ANKRD30A: variants seen among roughly 807,000 people sequenced by gnomAD.
ANKRD30A encodes ankyrin repeat domain-containing protein 30A.
In ANKRD30A, 170 loss-of-function variants were observed where a neutral mutation model predicts 166.3. The observed-to-expected ratio is 1.02, with a 90% CI of 0.90 to 1.16. The LOEUF (loss-of-function observed/expected upper bound fraction) is 1.16. Ranked by LOEUF, ANKRD30A falls within the 50% of genes most tolerant of loss-of-function variation. The probability of loss-of-function intolerance (pLI) is 0.00; values close to 1 mark genes in which losing one functional copy is unlikely to be tolerated. For missense variants in ANKRD30A, 1,630 were observed against 1,518.0 expected (o/e 1.07, Z -1.23); for synonymous variants, 564 against 508.9 (o/e 1.11, Z -1.46).
rs568622140 is a variant in ANKRD30A at position 37,225,618 on chromosome 10, T to C, written c.4185+5721T>C. ...CAGTGCTTTGAGCAGTGAAAGAGAT[T>C]TTTAAAAAAATTTTTTTGGGCTTGA... On this transcript the variant is annotated intron_variant, in intron 34 of 35. Transcript: ENST00000361713. Among the ~76,000 whole-genome samples, 15 of 151,914 alleles carry C rather than the reference T, an allele frequency of 9.9e-5. No individual in the cohort carries two copies. In the South Asian group the frequency reaches 2.9e-3, roughly 29 times the overall value.
chr10:37,231,592 A>G lies in ANKRD30A; in HGVS notation c.*123A>G. On this transcript the variant is annotated 3_prime_UTR_variant, in exon 35 of 36. Transcript: ENST00000361713. ...AAAATCTTACCAATAGTCTGTGTCA[A>G]CAGAATACTTATTTTAGAAGAAAAA... The G allele has an allele frequency of 1.5e-6, 1 of 664,552 alleles. No individual in the cohort carries two copies. The highest frequency in any genetic ancestry group is 2.7e-4 in the Middle Eastern group (1 of 3,746). The allele number at this position is 664,552 out of a possible 1,614,324, so 41.2% of individuals were successfully genotyped here. A position where few individuals can be genotyped will look rare whatever the true frequency, so the allele number is the denominator to read the frequency against.
At chr10:37,179,022 A>ATT (rs1469091433) in intron 24 of ANKRD30A, among the ~76,000 whole-genome samples, 2 of 12,786 alleles carry the variant, frequency 1.6e-4, no homozygotes, top group Non-Finnish European at 4.4e-4. Flanking sequence ...AAATATATAT[A>ATT]TATATATATA....
intron 34 of ANKRD30A, among the ~76,000 whole-genome samples, chr10:37,223,034 TAATC>T (rs1190425617): frequency 2.8e-4 from 43 of 151,526 alleles, no homozygotes; most frequent in Non-Finnish European, 3.4e-4. Flanking sequence ...AAATATATCT[TAATC>T]AATAAATATA....
chr10:37,194,732 C>G (rs1253627222), intron 27 of ANKRD30A, among the ~76,000 whole-genome samples: 1 of 152,052 alleles, frequency 6.6e-6, no homozygotes, highest in East Asian at 1.9e-4. Context: ...TTAGATGGAC[C>G]CAATACAATT....
rs1242009205 is a variant in ANKRD30A, at chr10:37,190,846, G to A, written c.2512+1289G>A. 2.0e-5 allele frequency among the ~76,000 whole-genome samples: 3 copies of A among 151,650 alleles called. 1 individual carries two copies. The highest frequency in any genetic ancestry group is 7.3e-5 in the African/African-American group (3 of 41,188). ...GATATATATATATAGATGTATGTAT[G>A]TATGTATGTTTTTGACGTTCACAAT... is the stretch of plus-strand genomic sequence containing the variant. On this transcript the variant is annotated intron_variant, in intron 25 of 35. Transcript: ENST00000361713.
chr10:37,151,880 T>C (rs1055468402), intron 11 of ANKRD30A, among the ~76,000 whole-genome samples, 180 bp from the exon 12 acceptor site: 1 of 152,134 alleles, frequency 6.6e-6, no homozygotes, highest in African/African-American at 2.4e-5. Context: ...ATTTTCAGAC[T>C]TTTTAGATTT....
the ANKRD30A span, among the ~76,000 whole-genome samples, chr10:37,249,825 A>G: frequency 6.6e-6 from 1 of 152,266 alleles, no homozygotes; most frequent in Non-Finnish European, 1.5e-5. Context: ...TTGCTTAGGC[A>G]TTGAAGGGTC....
At chr10:37,139,915 A>G (rs1268803030) in intron 6 of ANKRD30A, among the ~76,000 whole-genome samples, 1 of 152,230 alleles carries the variant, frequency 6.6e-6, no homozygotes, top group Admixed American at 6.5e-5. Flanking sequence ...TCTGCTTCAT[A>G]TGAAAATCTC....
At chr10:37,220,337 A>C (rs1842844102) in intron 34 of ANKRD30A, among the ~76,000 whole-genome samples, 1 of 151,106 alleles carries the variant, frequency 6.6e-6, no homozygotes, top group Non-Finnish European at 1.5e-5. Flanking sequence ...TTAGCAATTT[A>C]CTTTGACAGT....
At chr10:37,162,607 A>G (rs960171817) in intron 15 of ANKRD30A, 42 bp from the exon 16 acceptor site, 16 of 1,610,702 alleles carry the variant, frequency 9.9e-6, no homozygotes, top group Non-Finnish European at 1.1e-5. Flanking sequence ...TTGGCTTGTC[A>G]TATTTACATA....
In ANKRD30A at chr10:37,136,651, A is replaced by G. The variant is rs751014359; in HGVS notation, c.800A>G (p.Asn267Ser). The G allele has an allele frequency of 2.1e-6, 3 of 1,423,662 alleles. No individual in the cohort carries two copies. Among genetic ancestry groups the G allele is most frequent in the Non-Finnish European group, 2.9e-6 (3 of 1,033,672 alleles). 88.2% of individuals were successfully genotyped at this position (1,423,662 alleles called of 1,614,324 possible). Residue 267 changes from asparagine to serine, a missense_variant, in exon 6 of 36, where the codon AAT becomes AGT. By Grantham distance (46) the Asn-to-Ser change is conservative (BLOSUM62 1). Transcript: ENST00000361713. ...GAATATATACGAAAATTATCTAAAA[A>G]TCATCAAAATACCAATCCAGGTAAG... ...IMEYIRKLSK[N>S]HQNTNPEGTS...
the ANKRD30A span, chr10:37,242,014 A>T: frequency 3.3e-4 from 51 of 152,292 alleles, no homozygotes; most frequent in African/African-American, 1.2e-3. Flanking sequence ...TTTAACATTA[A>T]TACATTCTAA....
the ANKRD30A span, among the ~76,000 whole-genome samples, chr10:37,257,048 A>G: frequency 1.3e-5 from 2 of 152,112 alleles, no homozygotes; most frequent in South Asian, 4.1e-4. Flanking sequence ...TTGGTAGGCT[A>G]TTAAATACTG....
intron 31 of ANKRD30A, among the ~76,000 whole-genome samples, chr10:37,205,266 G>A (rs560949452): frequency 6.6e-6 from 1 of 152,064 alleles, no homozygotes; most frequent in African/African-American, 2.4e-5. Flanking sequence ...ATTCTCTGCA[G>A]CCATAAAAAA....
intron 3 of ANKRD30A, among the ~76,000 whole-genome samples, chr10:37,131,542 A>G (rs1836381716): frequency 6.6e-6 from 1 of 152,186 alleles, no homozygotes; most frequent in African/African-American, 2.4e-5. Flanking sequence ...TTAGTGACCC[A>G]TGTAGAACAG....
Position 37,149,686 on chromosome 10 carries a change from AGTTTT to A in ANKRD30A, c.1572+8_1572+12del, listed in dbSNP as rs1182502468. On this transcript the variant is annotated splice_region_variant and intron_variant, in intron 10 of 35. Coordinates refer to ENST00000361713, the MANE Select transcript of ANKRD30A (RefSeq NM_052997.3). ...GAAGCCATCTGCCTTCAAGGTATTT[AGTTTT>A]ATTATTTCATTTTGAATGACTTATT... 3 of 1,612,292 alleles carry A rather than the reference AGTTTT, an allele frequency of 1.9e-6. No individual in the cohort carries two copies. Among genetic ancestry groups the A allele is most frequent in the Middle Eastern group, 1.6e-4 (1 of 6,074 alleles).
intron 34 of ANKRD30A, among the ~76,000 whole-genome samples, chr10:37,227,820 T>G (rs186002467): frequency 2.6e-5 from 4 of 152,102 alleles, no homozygotes; most frequent in African/African-American, 7.2e-5. Flanking sequence ...TAGGTTCTAT[T>G]AACTCATTGT....
At chr10:37,201,695 G>C (rs1841637698) in intron 31 of ANKRD30A, among the ~76,000 whole-genome samples, 2 of 152,050 alleles carry the variant, frequency 1.3e-5, no homozygotes, top group South Asian at 4.1e-4. Context: ...GATTGTTTAG[G>C]AAAAGATTGG....
chr10:37,257,037 G>A, the ANKRD30A span, among the ~76,000 whole-genome samples: 5 of 151,780 alleles, frequency 3.3e-5, no homozygotes, highest in Non-Finnish European at 7.4e-5. Flanking sequence ...TTTTTTTTTG[G>A]TTGGTAGGCT....
Sources: allele counts gnomAD v4.1 joint callset (sites outside exome capture counted in the v4.1 genomes callset), GRCh38; gene constraint gnomAD v4.1.1; transcripts MANE v1.5; gene names NCBI Gene and HGNC (gene_info 2026-07-23, HGNC 2026-07-21).